The following NGLY1 variants were observed in gnomAD, a reference collection of about 807,000 sequenced individuals.
NGLY1 encodes the protein peptide-N(4)-(N-acetyl-beta-glucosaminyl)asparagine amidase.
In NGLY1, 68 loss-of-function variants were observed where a neutral mutation model predicts 84.6. The ratio of observed to expected loss-of-function variants is 0.80; its 90% CI spans 0.66 to 0.98. The LOEUF is 0.98. Among genes scored for constraint, NGLY1 ranks in the 50% least tolerant of loss-of-function variants. The pLI is 0.00. For missense variants in NGLY1, 779 were observed against 770.2 expected, an observed-to-expected ratio of 1.01 and a Z score of -0.14; for synonymous variants, 280 against 275.2, an observed-to-expected ratio of 1.02 and a Z score of -0.17.
intron 2 of NGLY1, among the ~76,000 whole-genome samples, chr3:25,769,347 T>TG (rs1487633373): frequency 8.5e-5 from 13 of 152,172 alleles, no homozygotes; most frequent in South Asian, 8.3e-4. Flanking sequence ...GGCAACGAAG[T>TG]GGGACTCCAT....
intron 3 of NGLY1, among the ~76,000 whole-genome samples, chr3:25,753,233 T>G (rs933864623): frequency 2.0e-5 from 3 of 152,166 alleles, no homozygotes; most frequent in African/African-American, 7.2e-5. Context: ...GATATTTCAT[T>G]GGAAACAATG....
At chr3:25,752,888 G>A (rs1706830549) in intron 3 of NGLY1, among the ~76,000 whole-genome samples, 2 of 151,684 alleles carry the variant, frequency 1.3e-5, no homozygotes, top group African/African-American at 2.4e-5. Flanking sequence ...AATAAACATG[G>A]CTAAAGAGTG....
chr3:25,742,529 A>G (rs1706200837), intron 4 of NGLY1, among the ~76,000 whole-genome samples: 1 of 152,240 alleles, frequency 6.6e-6, no homozygotes, highest in African/African-American at 2.4e-5. Context: ...ATGAAAAAGA[A>G]CAGAACTGAA....
Position 25,730,950 on chromosome 3 carries a change from C to A in NGLY1, c.1425+1369G>T, listed in dbSNP as rs149827128. Among the ~76,000 whole-genome samples, 1,186 of 152,174 alleles carry A rather than the reference C, an allele frequency of 7.8e-3. 15 individuals carry two copies. Among genetic ancestry groups the A allele is most frequent in the African/African-American group, 0.028 (1,150 of 41,530 alleles). On this transcript the variant is annotated intron_variant, in intron 9 of 11. Transcript: ENST00000280700. ...TGACTCAACTTTAGCTCCCTAAGGGCAAAGGACAGTCTATTATACTGCCCT... is the reference window on the plus strand; with the variant it reads ...TGACTCAACTTTAGCTCCCTAAGGGAAAAGGACAGTCTATTATACTGCCCT...
intron 2 of NGLY1, among the ~76,000 whole-genome samples, chr3:25,765,939 C>G (rs1239379889): frequency 6.6e-6 from 1 of 151,884 alleles, no homozygotes; most frequent in East Asian, 1.9e-4. Context: ...CTCTTTTGCC[C>G]AGGCTGGTCT....
intron 10 of NGLY1, among the ~76,000 whole-genome samples, chr3:25,728,127 T>C (rs1575611003): frequency 1.3e-5 from 2 of 152,180 alleles, no homozygotes; most frequent in African/African-American, 4.8e-5. Context: ...ACTTTTTTAG[T>C]ATTAGACAAT....
intron 2 of NGLY1, among the ~76,000 whole-genome samples, chr3:25,765,087 T>C (rs1707495597): frequency 6.6e-6 from 1 of 152,078 alleles, no homozygotes; most frequent in Non-Finnish European, 1.5e-5. Flanking sequence ...TGAAATGAAA[T>C]GACAATGTAT....
chr3:25,776,371 TAG>T (rs1176327702), intron 2 of NGLY1, among the ~76,000 whole-genome samples: 2 of 152,230 alleles, frequency 1.3e-5, no homozygotes, highest in African/African-American at 2.4e-5. Flanking sequence ...GAGAAATGGG[TAG>T]AGTCTTCCGT....
chr3:25,726,088 C>G (rs1705242176), intron 10 of NGLY1, among the ~76,000 whole-genome samples: 1 of 151,514 alleles, frequency 6.6e-6, no homozygotes, highest in Non-Finnish European at 1.5e-5. Flanking sequence ...CGCCAAAATG[C>G]TAAAATGACT....
At chr3:25,768,068 G>A (rs545558936) in intron 2 of NGLY1, among the ~76,000 whole-genome samples, 21 of 127,096 alleles carry the variant, frequency 1.7e-4, no homozygotes, top group African/African-American at 6.1e-4. Flanking sequence ...AGCCAGGATC[G>A]CACCACTACA....
intron 4 of NGLY1, among the ~76,000 whole-genome samples, chr3:25,748,317 A>AT (rs1706549515): frequency 6.6e-6 from 1 of 152,216 alleles, no homozygotes; most frequent in Non-Finnish European, 1.5e-5. Flanking sequence ...ACGAACACCA[A>AT]GCAGGATAAA....
chr3:25,723,400 T>C (rs763938811), intron 10 of NGLY1, among the ~76,000 whole-genome samples: 1 of 152,214 alleles, frequency 6.6e-6, no homozygotes, highest in Non-Finnish European at 1.5e-5. Flanking sequence ...TAAAGAACAG[T>C]ATATGGAGAT....
rs564115358 is a variant in NGLY1 at position 25,747,415 on chromosome 3, A to G, written c.658+3683T>C. On this transcript the variant is annotated intron_variant, in intron 4 of 11. Coordinates refer to ENST00000280700, the MANE Select transcript of NGLY1 (RefSeq NM_018297.4). ...GTCTTAAGGTTAGCAGGCCTGTAGC[A>G]GAAGTAAATCTAAGGCCCAAGCCAG... 2.0e-5 allele frequency among the ~76,000 whole-genome samples: 3 copies of G among 152,356 alleles called. No individual in the cohort carries two copies. In the East Asian group the frequency reaches 5.8e-4, roughly 29 times the overall value.
chr3:25,735,991 T>C lies in NGLY1; in HGVS notation c.1149+13A>G, dbSNP rs771016682. 3.8e-6 allele frequency: 6 copies of C among 1,577,128 alleles called. No homozygotes were observed. The South Asian group carries it at 7.1e-5, about 19-fold the overall frequency. On this transcript the variant is annotated intron_variant, in intron 7 of 11. Coordinates refer to ENST00000280700, the MANE Select transcript of NGLY1 (RefSeq NM_018297.4). ...TTACTTTTGGAAAAAAGTTTTTTTC[T>C]TTTATGCTCTACCTCATCTTTTGAA...
rs149985308 is a variant in NGLY1, at chr3:25,762,877, C to T, written c.492+1189G>A. The stretch of plus-strand genomic sequence containing the variant: ...GCGCAGGCTATAGAATCTCTTGAAC[C>T]CAGGAGGTGGGGGTTGCAGTGAGCC... On this transcript the variant is annotated intron_variant, in intron 3 of 11. Transcript: ENST00000280700. Among the ~76,000 whole-genome samples the T allele has an allele frequency of 8.0e-3, 1,219 of 152,202 alleles. 19 individuals are homozygous for T. Among genetic ancestry groups the T allele is most frequent in the African/African-American group, 0.028 (1,182 of 41,530 alleles).
intron 3 of NGLY1, chr3:25,754,810 C>G: frequency 3.8e-6 from 1 of 265,518 alleles, no homozygotes; most frequent in Non-Finnish European, 6.7e-6. Context: ...TTTTTTGATA[C>G]GAGCAACTGG....
chr3:25,769,076 G>C (rs796309069), intron 2 of NGLY1, among the ~76,000 whole-genome samples: 2 of 152,120 alleles, frequency 1.3e-5, no homozygotes, highest in African/African-American at 4.8e-5. Context: ...ATGAGCAAAA[G>C]AGGCCGGCGC....
chr3:25,770,452 C>A (rs980982001), intron 2 of NGLY1, among the ~76,000 whole-genome samples: 3 of 152,070 alleles, frequency 2.0e-5, no homozygotes, highest in Admixed American at 2.0e-4. Flanking sequence ...GCCTGGCCTC[C>A]ACATTTTCTT....
In NGLY1 at chr3:25,739,816, G is replaced by A; in HGVS notation, c.659-17C>T. On this transcript the variant is annotated splice_polypyrimidine_tract_variant and intron_variant, in intron 4 of 11. Coordinates refer to ENST00000280700, the MANE Select transcript of NGLY1 (RefSeq NM_018297.4). ...TATTGATACCTGAGAAATTAAGGGA[G>A]GACCAAGTAAGAGCTAAAACTGACA... 1 of 1,596,946 alleles carries A rather than the reference G, an allele frequency of 6.3e-7. No homozygotes were observed. The highest frequency in any genetic ancestry group is 1.3e-5 in the African/African-American group (1 of 74,532).
Sources: allele counts gnomAD v4.1 joint callset (sites outside exome capture counted in the v4.1 genomes callset), GRCh38; gene constraint gnomAD v4.1.1; transcripts MANE v1.5; gene names NCBI Gene and HGNC (gene_info 2026-07-23, HGNC 2026-07-21).